The following CNTNAP2 variants were observed in gnomAD, a reference collection of about 807,000 sequenced individuals.
The protein encoded by CNTNAP2 is contactin-associated protein-like 2.
In CNTNAP2, 98 loss-of-function variants were observed where a neutral mutation model predicts 155.2. That is an observed-to-expected ratio of 0.63 (90% CI 0.54 to 0.75). The LOEUF (loss-of-function observed/expected upper bound fraction) is 0.75, where lower values mean the gene tolerates loss of function less well. CNTNAP2 is among the 30% of genes least tolerant of loss of function. CNTNAP2 has a pLI of 0.00. For synonymous variants in CNTNAP2, 651 were observed against 631.2 expected, an observed-to-expected ratio of 1.03 and a Z score of -0.47; for missense variants, 1,727 against 1,688.1, an observed-to-expected ratio of 1.02 and a Z score of -0.40.
At chr7:147,173,594 C>T (rs1433402819) in intron 8 of CNTNAP2, among the ~76,000 whole-genome samples, 4 of 152,148 alleles carry the variant, frequency 2.6e-5, no homozygotes, top group East Asian at 1.9e-4. Flanking sequence ...TTGTGTATTT[C>T]GTCTACTGAC....
chr7:147,365,175 A>G (rs1053723440), intron 9 of CNTNAP2, among the ~76,000 whole-genome samples: 1 of 151,954 alleles, frequency 6.6e-6, no homozygotes, highest in Admixed American at 6.6e-5. Context: ...AGGCAGAGGC[A>G]GGCGAATCAC....
In CNTNAP2 at chr7:147,279,042, A is replaced by T. The variant is rs557876085; in HGVS notation, c.1349-21099A>T. ...ACTTGAAATCATTATAATGAAGATG[A>T]TTAAATAACTATAATCATTCTGAAC... On this transcript the variant is annotated intron_variant, in intron 8 of 23. Transcript: ENST00000361727. 2.6e-5 allele frequency among the ~76,000 whole-genome samples: 4 copies of T among 151,676 alleles called. No individual in the cohort carries two copies. The East Asian group carries it at 7.8e-4, about 29-fold the overall frequency.
intron 1 of CNTNAP2, among the ~76,000 whole-genome samples, chr7:146,151,635 GATATATATATATATATATATATATAT>G (rs1226681385): frequency 3.0e-4 from 11 of 36,408 alleles, no homozygotes; most frequent in South Asian, 1.2e-3. Context: ...AAGAAAACGT[GATATATATATATATATATATATATAT>G]ATATATATAT....
rs34229180 is a variant in CNTNAP2 at position 148,259,179 on chromosome 7, TAAAAAAAAAA to T, written c.3382-7833_3382-7824del. ...GGGCAACAAAAGCAAAACTCCGTCTTAAAAAAAAAAAAAAAAAAAAAAAAAAAAAAGCCAG... is the reference window on the plus strand; with the variant it reads ...GGGCAACAAAAGCAAAACTCCGTCTTAAAAAAAAAAAAAAAAAAAAGCCAG... On this transcript the variant is annotated intron_variant, in intron 20 of 23. Coordinates refer to ENST00000361727, the MANE Select transcript of CNTNAP2 (RefSeq NM_014141.6). Among the ~76,000 whole-genome samples the T allele has an allele frequency of 8.9e-3, 214 of 24,032 alleles. 3 individuals carry two copies. The highest frequency in any genetic ancestry group is 0.091 in the Middle Eastern group (2 of 22). The allele number at this position is 24,032 out of a possible 152,430, so 15.8% of individuals were successfully genotyped here. A position where few individuals can be genotyped will look rare whatever the true frequency, so the allele number is the denominator to read the frequency against.
chr7:146,603,188 G>A (rs561136916), intron 1 of CNTNAP2, among the ~76,000 whole-genome samples: 5 of 151,444 alleles, frequency 3.3e-5, no homozygotes, highest in African/African-American at 1.2e-4. Flanking sequence ...CAAGGCGGGC[G>A]GATCATGAGG....
At chr7:146,634,575 G>A (rs1018964384) in intron 1 of CNTNAP2, among the ~76,000 whole-genome samples, 11 of 152,226 alleles carry the variant, frequency 7.2e-5, no homozygotes, top group East Asian at 1.9e-4. Context: ...TTTCTTTGGA[G>A]ATGTGACATT....
intron 21 of CNTNAP2, among the ~76,000 whole-genome samples, chr7:148,380,435 G>C (rs1182434768): frequency 6.6e-6 from 1 of 152,138 alleles, no homozygotes; most frequent in Non-Finnish European, 1.5e-5. Flanking sequence ...CCACATTTTT[G>C]AAAATCAAAT....
chr7:146,938,806 T>C (rs1796983005), intron 3 of CNTNAP2, among the ~76,000 whole-genome samples: 1 of 152,148 alleles, frequency 6.6e-6, no homozygotes, highest in African/African-American at 2.4e-5. Flanking sequence ...CTCAAATCTA[T>C]TGTCTTATTC....
At chr7:146,646,174 C>A (rs1003052608) in intron 1 of CNTNAP2, among the ~76,000 whole-genome samples, 1 of 152,226 alleles carries the variant, frequency 6.6e-6, no homozygotes, top group South Asian at 2.1e-4. Flanking sequence ...AAAAGCCTGG[C>A]AAAATGAAGC....
At chr7:148,036,878 G>C (rs1040684654) in intron 15 of CNTNAP2, among the ~76,000 whole-genome samples, 2 of 151,972 alleles carry the variant, frequency 1.3e-5, no homozygotes, top group Non-Finnish European at 1.5e-5. Context: ...AACACATAAA[G>C]CCAACTTTAT....
chr7:146,821,123 G>T (rs1174833483), intron 2 of CNTNAP2, among the ~76,000 whole-genome samples: 2 of 152,014 alleles, frequency 1.3e-5, no homozygotes, highest in South Asian at 2.1e-4. Flanking sequence ...TATCCAATTT[G>T]CCAGTCTGTG....
intron 21 of CNTNAP2, among the ~76,000 whole-genome samples, chr7:148,298,122 C>T (rs1797318320): frequency 6.6e-6 from 1 of 152,168 alleles, no homozygotes; most frequent in Admixed American, 6.5e-5. Flanking sequence ...ATGGCATTTA[C>T]GTGGTCTTAA....
chr7:146,586,075 C>T (rs1395555140), intron 1 of CNTNAP2, among the ~76,000 whole-genome samples: 3 of 151,848 alleles, frequency 2.0e-5, no homozygotes, highest in Non-Finnish European at 4.4e-5. Context: ...TAATTTCACA[C>T]CTGTGGTATA....
chr7:147,484,497 AAC>A (rs1219337198), intron 10 of CNTNAP2, among the ~76,000 whole-genome samples: 1 of 152,186 alleles, frequency 6.6e-6, no homozygotes, highest in Non-Finnish European at 1.5e-5. Flanking sequence ...CTTCTATATG[AAC>A]TATGAGCTCT....
chr7:146,412,990 GA>G (rs1795887901), intron 1 of CNTNAP2, among the ~76,000 whole-genome samples: 2 of 152,132 alleles, frequency 1.3e-5, no homozygotes, highest in South Asian at 4.1e-4. Context: ...CCCTCAGTTA[GA>G]GTAGACCACA....
intron 14 of CNTNAP2, among the ~76,000 whole-genome samples, chr7:147,971,602 G>C (rs73168524): frequency 0.03 from 4,603 of 152,100 alleles, 81 homozygotes; most frequent in Middle Eastern, 0.051. Flanking sequence ...TTTGAGGTTT[G>C]TTCATGTTGC....
chr7:146,268,354 A>G (rs1396016363), intron 1 of CNTNAP2, among the ~76,000 whole-genome samples: 2 of 152,184 alleles, frequency 1.3e-5, no homozygotes, highest in Non-Finnish European at 2.9e-5. Context: ...CTTTAGAACC[A>G]CAGTTTAATG....
chr7:146,561,519 C>T (rs530381775), intron 1 of CNTNAP2, among the ~76,000 whole-genome samples: 19 of 152,074 alleles, frequency 1.2e-4, no homozygotes, highest in African/African-American at 4.3e-4. Context: ...ATTAGCAGGG[C>T]GTGGTGGCAC....
chr7:147,883,910 C>T (rs2247137), intron 13 of CNTNAP2, among the ~76,000 whole-genome samples: 86,526 of 151,870 alleles, frequency 0.57, 25,232 homozygotes, highest in African/African-American at 0.69. Flanking sequence ...ATCATAAACT[C>T]TAGTGGGAGG....
Sources: allele counts gnomAD v4.1 joint callset (sites outside exome capture counted in the v4.1 genomes callset), GRCh38; gene constraint gnomAD v4.1.1; transcripts MANE v1.5; gene names NCBI Gene and HGNC (gene_info 2026-07-23, HGNC 2026-07-21).